CA8: variants seen among roughly 807,000 people sequenced by gnomAD.
CA8 encodes carbonic anhydrase-related protein.
Under a neutral mutation model 41.4 loss-of-function variants are expected in CA8, and 22 were observed. The ratio of observed to expected loss-of-function variants is 0.53; its 90% CI spans 0.38 to 0.76. The LOEUF is 0.76. CA8 is among the 30% of genes least tolerant of loss of function. The probability of loss-of-function intolerance (pLI) is 0.00; values close to 1 mark genes in which losing one functional copy is unlikely to be tolerated. For missense variants in CA8, 270 were observed against 352.8 expected, an observed-to-expected ratio of 0.77 and a Z score of 1.88; for synonymous variants, 121 against 130.6, an observed-to-expected ratio of 0.93 and a Z score of 0.50.
chr8:60,192,879 T>C (rs1021637203), intron 8 of CA8, among the ~76,000 whole-genome samples: 1 of 151,748 alleles, frequency 6.6e-6, no homozygotes, highest in Non-Finnish European at 1.5e-5. Flanking sequence ...CAGTATTATG[T>C]ATAAATTTTT....
intron 3 of CA8, among the ~76,000 whole-genome samples, chr8:60,258,761 T>C (rs1411528152): frequency 6.6e-6 from 1 of 151,998 alleles, no homozygotes; most frequent in Non-Finnish European, 1.5e-5. Context: ...GTGTGCAACG[T>C]AGATCCCTCA....
intron 2 of CA8, among the ~76,000 whole-genome samples, chr8:60,277,281 G>C (rs1410900017): frequency 1.3e-5 from 2 of 151,796 alleles, no homozygotes; most frequent in Non-Finnish European, 2.9e-5. Flanking sequence ...TGTTACTAGG[G>C]AACAGCAGCC....
chr8:60,213,649 G>C (rs1216344098), intron 7 of CA8, among the ~76,000 whole-genome samples: 1 of 152,114 alleles, frequency 6.6e-6, no homozygotes, highest in Admixed American at 6.5e-5. Context: ...AAAATAAGGA[G>C]AGAAATCTCA....
At chr8:60,277,440 G>A (rs571791124) in intron 2 of CA8, among the ~76,000 whole-genome samples, 22 of 151,820 alleles carry the variant, frequency 1.4e-4, no homozygotes, top group African/African-American at 2.7e-4. Flanking sequence ...TGCAACCTCC[G>A]CCTCCCAGGT....
chr8:60,227,265 C>T (rs1807473597), intron 4 of CA8, among the ~76,000 whole-genome samples: 1 of 151,952 alleles, frequency 6.6e-6, no homozygotes, highest in Non-Finnish European at 1.5e-5. Flanking sequence ...TGCACTCCAG[C>T]CTGGATGACA....
At chr8:60,210,427 A>AG (rs1270944103) in intron 7 of CA8, among the ~76,000 whole-genome samples, 1 of 152,202 alleles carries the variant, frequency 6.6e-6, no homozygotes, top group Non-Finnish European at 1.5e-5. Flanking sequence ...TAGAGACTTT[A>AG]GGGGGCCCAC....
At chr8:60,234,516 G>A (rs973435702) in intron 3 of CA8, among the ~76,000 whole-genome samples, 5 of 152,146 alleles carry the variant, frequency 3.3e-5, no homozygotes, top group African/African-American at 1.2e-4. Flanking sequence ...TTTCTGTACT[G>A]TCTTTATAAT....
intron 3 of CA8, among the ~76,000 whole-genome samples, chr8:60,238,579 C>T (rs1490465115): frequency 6.6e-6 from 1 of 152,130 alleles, no homozygotes; most frequent in Non-Finnish European, 1.5e-5. Context: ...ACCTGGGACC[C>T]CCGTGCCTTT....
intron 2 of CA8, among the ~76,000 whole-genome samples, chr8:60,266,588 G>A (rs900001684): frequency 2.0e-5 from 3 of 152,052 alleles, no homozygotes; most frequent in Non-Finnish European, 4.4e-5. Context: ...AATAGCTGAT[G>A]GACATTCATT....
intron 2 of CA8, among the ~76,000 whole-genome samples, chr8:60,275,158 A>G (rs1216682946): frequency 6.6e-6 from 1 of 152,178 alleles, no homozygotes; most frequent in Non-Finnish European, 1.5e-5. Context: ...TAAGCAACAA[A>G]GACTCCTCCA....
intron 3 of CA8, among the ~76,000 whole-genome samples, chr8:60,235,698 C>A (rs368414072): frequency 6.6e-6 from 1 of 152,198 alleles, no homozygotes; most frequent in African/African-American, 2.4e-5. Context: ...ACTAACAGTA[C>A]CTTAGTGGGT....
chr8:60,221,857 A>G lies in CA8; in HGVS notation c.738+792T>C, dbSNP rs570646523. Among the ~76,000 whole-genome samples, 20 of 152,344 alleles carry G rather than the reference A, an allele frequency of 1.3e-4. No homozygotes were observed. In the South Asian group the frequency reaches 3.5e-3, roughly 27 times the overall value. On this transcript the variant is annotated intron_variant, in intron 7 of 8. Transcript: ENST00000317995. ...AGAAGTTAGTGAACTTGAGCTTTTTAACTTCAAGAATTAAAGGCAAATATT... is the reference window on the plus strand; with the variant it reads ...AGAAGTTAGTGAACTTGAGCTTTTTGACTTCAAGAATTAAAGGCAAATATT...
intron 4 of CA8, among the ~76,000 whole-genome samples, chr8:60,231,520 G>A (rs1807647001): frequency 6.6e-6 from 1 of 152,168 alleles, no homozygotes; most frequent in Non-Finnish European, 1.5e-5. Flanking sequence ...GTGCTAACAT[G>A]CTCTAATCCC....
chr8:60,192,747 T>C (rs1225720754), intron 8 of CA8, among the ~76,000 whole-genome samples: 1 of 152,190 alleles, frequency 6.6e-6, no homozygotes. Context: ...ATGTTTGTTA[T>C]GAAACTATCA....
intron 3 of CA8, among the ~76,000 whole-genome samples, chr8:60,257,094 C>T (rs568082517): frequency 8.5e-5 from 13 of 152,218 alleles, no homozygotes; most frequent in African/African-American, 3.1e-4. Context: ...GATATCGTGC[C>T]TTAGTCTCCG....
intron 7 of CA8, among the ~76,000 whole-genome samples, chr8:60,220,611 G>A (rs1039675891): frequency 2.0e-5 from 3 of 152,140 alleles, no homozygotes; most frequent in African/African-American, 7.2e-5. Context: ...TTCCTAAGAA[G>A]GCATCATCTC....
At chr8:60,227,446 A>G (rs1244101954) in intron 4 of CA8, among the ~76,000 whole-genome samples, 3 of 152,230 alleles carry the variant, frequency 2.0e-5, no homozygotes, top group African/African-American at 7.2e-5. Flanking sequence ...AGTTACGTAA[A>G]TGTCCAAGAA....
chr8:60,205,502 A>T (rs1806548288), intron 8 of CA8, among the ~76,000 whole-genome samples: 1 of 152,184 alleles, frequency 6.6e-6, no homozygotes, highest in Non-Finnish European at 1.5e-5. Context: ...ATTAAAATAC[A>T]TTTAGTTCTC....
intron 7 of CA8, among the ~76,000 whole-genome samples, chr8:60,222,005 A>T (rs908154650): frequency 9.2e-5 from 14 of 152,212 alleles, no homozygotes; most frequent in Non-Finnish European, 1.5e-5. Context: ...CCTGAAAGAC[A>T]GGAGATATTT....
Sources: gnomAD v4.1 joint callset for allele counts (sites outside exome capture counted in the v4.1 genomes callset) on GRCh38, gnomAD v4.1.1 for gene constraint, MANE v1.5 for transcripts, NCBI Gene and HGNC (gene_info 2026-07-23, HGNC 2026-07-21) for gene names.